The following UGGT1 variants were observed in gnomAD, a reference collection of about 807,000 sequenced individuals.
UGGT1 encodes UDP-glucose glycoprotein glucosyltransferase 1.
UGGT1 carries 107 observed loss-of-function variants against 203.9 expected under a neutral mutation model. The observed-to-expected ratio is 0.52, with a 90% CI of 0.45 to 0.62. UGGT1 has a LOEUF of 0.62. UGGT1 is among the 20% of genes least tolerant of loss of function. The pLI is 0.00. For synonymous variants in UGGT1, 628 were observed against 653.5 expected (o/e 0.96, Z 0.59); for missense variants, 1,673 against 1,867.2 (o/e 0.90, Z 1.92).
chr2:128,156,076 T>G (rs966636183), intron 20 of UGGT1, among the ~76,000 whole-genome samples: 1 of 152,222 alleles, frequency 6.6e-6, no homozygotes, highest in Non-Finnish European at 1.5e-5. Flanking sequence ...CGCCCTCGGG[T>G]CAGTGCTTCA....
At position 128,121,223 on chromosome 2, in the gene UGGT1, G is replaced by A. The variant is rs376225871; in HGVS notation, c.998G>A (p.Arg333Gln). The A allele has an allele frequency of 7.4e-6, 12 of 1,613,698 alleles. No individual in the cohort carries two copies. The African/African-American group carries it at 1.2e-4, about 16-fold the overall frequency. The change falls in exon 10 of 41, where the codon CGA (arginine) becomes CAA (glutamine). Residue 333 changes from arginine (R) to glutamine (Q), a missense_variant. Arg to Gln is a conservative substitution (Grantham distance 43). Around this residue, in one of 4 missense-constraint regions of UGGT1, gnomAD observed 1,073 missense variants for 1,078.7 expected, o/e 0.99. Transcript: ENST00000259253. ...GATCTCAGTTTCCAGACTGCTGCTC[G>A]AATCTTGGCTTCTCCTGTTGAGTTG... is the stretch of plus-strand genomic sequence containing the variant. Reference protein sequence around the residue: ...LQDLSFQTAARILASPVELAL... With the variant: ...LQDLSFQTAAQILASPVELAL...
rs921339861 is a variant in UGGT1, at chr2:128,145,597, C to T, written c.1852-206C>T. Reference sequence around the variant, plus strand: ...TTGTGGTCTTGTAAAAACTTGAACTCAGTAATTCAATCTCAGATTTACATA... The same window carrying T: ...TTGTGGTCTTGTAAAAACTTGAACTTAGTAATTCAATCTCAGATTTACATA... On this transcript the variant is annotated intron_variant, in intron 17 of 40. Coordinates refer to ENST00000259253, the MANE Select transcript of UGGT1 (RefSeq NM_020120.4). 16 of 509,506 alleles carry T rather than the reference C, an allele frequency of 3.1e-5. No individual in the cohort carries two copies. The East Asian group carries it at 5.9e-4, about 19-fold the overall frequency. The allele number at this position is 509,506 out of a possible 1,614,324, so 31.6% of individuals were successfully genotyped here.
chr2:128,135,519 A>G (rs1395369363), intron 15 of UGGT1, among the ~76,000 whole-genome samples: 2 of 152,188 alleles, frequency 1.3e-5, no homozygotes, highest in African/African-American at 4.8e-5. Context: ...GTAATTTTAC[A>G]TGTTGGTGAA....
Position 128,157,335 on chromosome 2 carries a change from A to G in UGGT1, c.2344A>G (p.Ile782Val), listed in dbSNP as rs1436593896. ...PSGRQLLYDA[I>V]KHQKSSNNVR... ...TGGACGGCAGTTACTGTATGATGCC[A>G]TCAAACATCAGGCAAGTATCTATGA... The change falls in exon 22 of 41, where the codon ATC (isoleucine) becomes GTC (valine). Residue 782 changes from isoleucine to valine, a missense_variant. Coordinates refer to ENST00000259253, the MANE Select transcript of UGGT1 (RefSeq NM_020120.4). 2 of 1,613,934 alleles carry G rather than the reference A, an allele frequency of 1.2e-6. No homozygotes were observed.
intron 18 of UGGT1, among the ~76,000 whole-genome samples, chr2:128,150,993 G>C (rs968182997): frequency 4.6e-5 from 7 of 152,220 alleles, no homozygotes; most frequent in Non-Finnish European, 7.4e-5. Flanking sequence ...TGAGATTACA[G>C]GCGCCCGCCA....
intron 14 of UGGT1, 33 bp from the exon 15 acceptor site, chr2:128,134,843 C>G (rs962072309): frequency 1.9e-6 from 3 of 1,585,194 alleles, no homozygotes; most frequent in Non-Finnish European, 2.6e-6. Flanking sequence ...GAATAAATGT[C>G]ATTTCATGTG....
chr2:128,120,605 CAG>C, intron 9 of UGGT1, 149 bp downstream of exon 9: 1 of 671,282 alleles, frequency 1.5e-6, no homozygotes. Flanking sequence ...TACGATTAAT[CAG>C]GGAAGAAAGG....
At chr2:128,153,006 C>A in intron 19 of UGGT1, 102 bp downstream of exon 19, 1 of 1,526,628 alleles carries the variant, frequency 6.6e-7, no homozygotes. Flanking sequence ...CTGCAGTGTT[C>A]AGAAGATAGC....
intron 8 of UGGT1, among the ~76,000 whole-genome samples, chr2:128,117,369 C>T (rs539674865): frequency 2.0e-5 from 3 of 152,250 alleles, no homozygotes; most frequent in East Asian, 3.9e-4. Flanking sequence ...GGAATACAGG[C>T]GTGAGCCATG....
At chr2:128,102,499 A>C (rs1201586772) in intron 2 of UGGT1, among the ~76,000 whole-genome samples, 1 of 152,204 alleles carries the variant, frequency 6.6e-6, no homozygotes, top group Non-Finnish European at 1.5e-5. Flanking sequence ...AGCTAAAAAA[A>C]CAAAAAGCAA....
chr2:128,180,699 A>G (rs546807500), intron 35 of UGGT1, among the ~76,000 whole-genome samples, 191 bp from the exon 36 acceptor site: 3 of 152,358 alleles, frequency 2.0e-5, no homozygotes, highest in East Asian at 3.9e-4. Context: ...TCATAAAGAA[A>G]TGGGGATTTG....
chr2:128,138,824 A>G lies in UGGT1; in HGVS notation c.1691A>G (p.Asp564Gly). ...AYNYVAQEVD[D>G]YHAFQTLTHI... ...AATTATGTTGCCCAAGAAGTGGATGATTATCATGCCTTCCAGACTCTGACA... is the reference window on the plus strand; with the variant it reads ...AATTATGTTGCCCAAGAAGTGGATGGTTATCATGCCTTCCAGACTCTGACA... The change falls in exon 16 of 41, where the codon GAT becomes GGT. Residue 564 changes from aspartate to glycine, a missense_variant. Physicochemically the swap from Asp to Gly is moderately conservative, Grantham distance 94. Transcript: ENST00000259253. The G allele has an allele frequency of 6.2e-7, 1 of 1,614,106 alleles. No individual in the cohort carries two copies. The highest frequency in any genetic ancestry group is 1.6e-4 in the Middle Eastern group (1 of 6,062).
chr2:128,161,290 A>AT (rs1402202931), intron 25 of UGGT1, 22 bp downstream of exon 25: 9 of 1,611,060 alleles, frequency 5.6e-6, no homozygotes, highest in Non-Finnish European at 7.6e-6. Context: ...CATAGGAGGA[A>AT]TTACAGGGGT....
rs1200321827 is a variant in UGGT1 at position 128,157,303 on chromosome 2, G to A, written c.2312G>A (p.Ser771Asn). 1 of 1,614,106 alleles carries A rather than the reference G, an allele frequency of 6.2e-7. No homozygotes were observed. The highest frequency in any genetic ancestry group is 2.2e-5 in the East Asian group (1 of 44,880). Residue 771 changes from serine (S) to asparagine (N), a missense_variant, in exon 22 of 41, where the codon AGC (serine) becomes AAC (asparagine). By Grantham distance (46) the Ser-to-Asn change is conservative (BLOSUM62 1). Coordinates refer to ENST00000259253, the MANE Select transcript of UGGT1 (RefSeq NM_020120.4). ...VTFWIVGDFD[S>N]PSGRQLLYDA... ...TTTTGGATTGTTGGGGATTTTGATA[G>A]CCCTTCTGGACGGCAGTTACTGTAT...
At chr2:128,147,818 C>G (rs1357099976) in intron 18 of UGGT1, among the ~76,000 whole-genome samples, 1 of 152,004 alleles carries the variant, frequency 6.6e-6, no homozygotes, top group African/African-American at 2.4e-5. Context: ...TTCTATGTTG[C>G]CCAGGCAGGT....
intron 38 of UGGT1, among the ~76,000 whole-genome samples, chr2:128,186,011 G>T (rs991663821): frequency 6.6e-6 from 1 of 152,174 alleles, no homozygotes; most frequent in Non-Finnish European, 1.5e-5. Flanking sequence ...GAACTTCCTT[G>T]ACAGAAGCCT....
rs543966515 is a variant in UGGT1, at chr2:128,147,654, G to A, written c.2016+1687G>A. On this transcript the variant is annotated intron_variant, in intron 18 of 40. Transcript: ENST00000259253. Reference sequence around the variant, plus strand: ...GATACAGGGTCTCGCTCTGTCACCCGGGTTGGAGTACAGTGACATGATCTT... The same window carrying A: ...GATACAGGGTCTCGCTCTGTCACCCAGGTTGGAGTACAGTGACATGATCTT... Among the ~76,000 whole-genome samples the A allele has an allele frequency of 8.7e-5, 13 of 149,926 alleles. No homozygotes were observed. In the South Asian group the frequency reaches 2.7e-3, roughly 32 times the overall value.
At chr2:128,170,607 T>C (rs1200802697) in intron 27 of UGGT1, among the ~76,000 whole-genome samples, 1 of 152,226 alleles carries the variant, frequency 6.6e-6, no homozygotes, top group East Asian at 1.9e-4. Flanking sequence ...GGCTGCCTCA[T>C]GTAATTTAAA....
intron 25 of UGGT1, among the ~76,000 whole-genome samples, chr2:128,161,578 T>A (rs1057432661): frequency 6.6e-6 from 1 of 152,330 alleles, no homozygotes; most frequent in East Asian, 1.9e-4. Flanking sequence ...GGAATACTTA[T>A]GTAAAGTGAT....
Sources: allele counts gnomAD v4.1 joint callset (sites outside exome capture counted in the v4.1 genomes callset), GRCh38; gene constraint gnomAD v4.1.1; regional missense constraint gnomAD v4.1.1; transcripts MANE v1.5; gene names NCBI Gene and HGNC (gene_info 2026-07-23, HGNC 2026-07-21).